The following CSMD1 variants were observed in gnomAD, a reference collection of about 807,000 sequenced individuals.
CSMD1 encodes the protein CUB and Sushi multiple domains 1.
A neutral mutation model predicts 417.5 loss-of-function variants in CSMD1; 213 were observed. The observed-to-expected ratio is 0.51, with a 90% CI of 0.46 to 0.57. The LOEUF is 0.57. CSMD1 is among the 20% of genes least tolerant of loss of function. The pLI is 0.00. For synonymous variants in CSMD1, 2,862 were observed against 1,736.8 expected (o/e 1.65, Z -16.11); for missense variants, 6,923 against 4,529.7 (o/e 1.53, Z -15.17).
At chr8:4,940,915 A>T (rs1348746089) in intron 1 of CSMD1, among the ~76,000 whole-genome samples, 1 of 152,200 alleles carries the variant, frequency 6.6e-6, no homozygotes, top group Non-Finnish European at 1.5e-5. Flanking sequence ...CTCCAAGAGG[A>T]GAAGTGTTTG....
chr8:4,648,502 C>T (rs1311205023), intron 1 of CSMD1, among the ~76,000 whole-genome samples: 1 of 152,144 alleles, frequency 6.6e-6, no homozygotes. Flanking sequence ...AACACACACA[C>T]ACATGCCTGC....
intron 52 of CSMD1, among the ~76,000 whole-genome samples, chr8:3,007,808 T>G (rs1808065666): frequency 6.7e-6 from 1 of 148,556 alleles, no homozygotes; most frequent in Non-Finnish European, 1.5e-5. Context: ...CATCGGGAGA[T>G]ATACCTAATG....
chr8:4,146,863 G>C (rs866851615), intron 3 of CSMD1, among the ~76,000 whole-genome samples: 1 of 146,114 alleles, frequency 6.8e-6, no homozygotes, highest in South Asian at 2.1e-4. Context: ...GCCCGCCTCA[G>C]CCTCCCAAAG....
chr8:4,293,710 C>A (rs770798445), intron 3 of CSMD1, among the ~76,000 whole-genome samples: 1 of 152,148 alleles, frequency 6.6e-6, no homozygotes, highest in Non-Finnish European at 1.5e-5. Context: ...GCATTCCATA[C>A]TTTAAAAAAG....
At chr8:4,929,971 A>T (rs1807138770) in intron 1 of CSMD1, among the ~76,000 whole-genome samples, 1 of 152,234 alleles carries the variant, frequency 6.6e-6, no homozygotes, top group African/African-American at 2.4e-5. Context: ...CTGTTGTGAG[A>T]TCAGGAATTT....
At chr8:3,466,463 G>A (rs1044649568) in intron 12 of CSMD1, among the ~76,000 whole-genome samples, 3 of 151,836 alleles carry the variant, frequency 2.0e-5, no homozygotes, top group African/African-American at 4.8e-5. Flanking sequence ...AGGCTGGAGT[G>A]CAGTGGCACG....
intron 37 of CSMD1, among the ~76,000 whole-genome samples, chr8:3,179,091 G>GCA (rs373352082): frequency 1.9e-3 from 262 of 139,356 alleles, no homozygotes; most frequent in East Asian, 5.1e-3. Flanking sequence ...GGGACTACAG[G>GCA]CCCGCCACCA....
At chr8:3,821,305 T>G (rs1200541242) in intron 5 of CSMD1, among the ~76,000 whole-genome samples, 3 of 152,186 alleles carry the variant, frequency 2.0e-5, no homozygotes, top group Non-Finnish European at 4.4e-5. Flanking sequence ...AACACAGTCA[T>G]TATTATTCTC....
chr8:3,716,186 C>A (rs1801821920), intron 6 of CSMD1, among the ~76,000 whole-genome samples: 1 of 152,176 alleles, frequency 6.6e-6, no homozygotes, highest in East Asian at 1.9e-4. Flanking sequence ...TGGGTGTTGC[C>A]TATGGCACTT....
At chr8:4,434,343 G>A (rs1299369706) in intron 2 of CSMD1, among the ~76,000 whole-genome samples, 1 of 152,102 alleles carries the variant, frequency 6.6e-6, no homozygotes, top group Non-Finnish European at 1.5e-5. Flanking sequence ...TCCAGCCTGG[G>A]CAACAGCATG....
chr8:3,740,692 A>C (rs1475199579), intron 6 of CSMD1, among the ~76,000 whole-genome samples: 1 of 152,218 alleles, frequency 6.6e-6, no homozygotes, highest in Non-Finnish European at 1.5e-5. Flanking sequence ...GAGGAGTCGA[A>C]GCAAACAAAA....
chr8:4,722,937 A>T (rs925606526), intron 1 of CSMD1, among the ~76,000 whole-genome samples: 1 of 152,150 alleles, frequency 6.6e-6, no homozygotes, highest in African/African-American at 2.4e-5. Flanking sequence ...ATCTTTTCAG[A>T]TCTAAGCTCG....
chr8:4,116,046 G>C (rs937491062), intron 3 of CSMD1, among the ~76,000 whole-genome samples: 8 of 151,282 alleles, frequency 5.3e-5, no homozygotes, highest in African/African-American at 1.9e-4. Flanking sequence ...TGTCTCCCAG[G>C]CTAGATTGTA....
intron 1 of CSMD1, among the ~76,000 whole-genome samples, chr8:4,746,350 G>A (rs1225812357): frequency 6.6e-6 from 1 of 152,162 alleles, no homozygotes; most frequent in East Asian, 1.9e-4. Context: ...AGGGGTTCAA[G>A]GGCTATGGTT....
At chr8:4,827,865 C>T (rs75002342) in intron 1 of CSMD1, among the ~76,000 whole-genome samples, 5,150 of 152,188 alleles carry the variant, frequency 0.034, 302 homozygotes, top group African/African-American at 0.12. Context: ...TGCCCTTTAC[C>T]ATTTTAATCT....
chr8:4,186,909 T>C (rs924137002), intron 3 of CSMD1, among the ~76,000 whole-genome samples: 5 of 151,496 alleles, frequency 3.3e-5, no homozygotes, highest in African/African-American at 1.2e-4. Flanking sequence ...GGCAGGAGAA[T>C]CACCTGAACC....
At chr8:2,938,855 G>A in intron 69 of CSMD1, 111 bp from the exon 70 acceptor site, 1 of 931,868 alleles carries the variant, frequency 1.1e-6, no homozygotes, top group Non-Finnish European at 1.6e-6. Flanking sequence ...GTATAGCCAG[G>A]ACGTTTGCAA....
At position 3,276,742 on chromosome 8, in the gene CSMD1, T is replaced by C. The variant is rs370964720; in HGVS notation, c.4153+7402A>G. ...CAGCTCAATTACAAAGCATATTGTT[T>C]ACAGTAGATGAAGAGGTATTCATTA... is the stretch of plus-strand genomic sequence containing the variant. On this transcript the variant is annotated intron_variant, in intron 26 of 69. Transcript: ENST00000635120. Among the ~76,000 whole-genome samples the C allele has an allele frequency of 2.6e-5, 4 of 152,212 alleles. No individual in the cohort carries two copies. In the East Asian group the frequency reaches 5.8e-4, roughly 22 times the overall value.
At chr8:4,558,823 G>A (rs1200363800) in intron 2 of CSMD1, among the ~76,000 whole-genome samples, 1 of 152,158 alleles carries the variant, frequency 6.6e-6, no homozygotes, top group Non-Finnish European at 1.5e-5. Flanking sequence ...AATGGAGATC[G>A]TGCCACTGCA....
Sources: gnomAD v4.1 joint callset for allele counts (sites outside exome capture counted in the v4.1 genomes callset) on GRCh38, gnomAD v4.1.1 for gene constraint, MANE v1.5 for transcripts, NCBI Gene and HGNC (gene_info 2026-07-23, HGNC 2026-07-21) for gene names.